WDFY2: variants seen among roughly 807,000 people sequenced by gnomAD.
The protein encoded by WDFY2 is WD repeat and FYVE domain containing 2, also known as WD repeat and FYVE domain-containing protein 2.
In WDFY2, 36 loss-of-function variants were observed where a neutral mutation model predicts 56.4. The ratio of observed to expected loss-of-function variants is 0.64; its 90% CI spans 0.49 to 0.84. WDFY2 has a LOEUF of 0.84. WDFY2 is among the 40% of genes least tolerant of loss of function. The probability of loss-of-function intolerance (pLI) is 0.00; values close to 1 mark genes in which losing one functional copy is unlikely to be tolerated. For missense variants in WDFY2, 444 were observed against 512.2 expected, an observed-to-expected ratio of 0.87 and a Z score of 1.29; for synonymous variants, 176 against 183.7, an observed-to-expected ratio of 0.96 and a Z score of 0.34.
At chr13:51,660,814 T>G (rs1955598456) in intron 2 of WDFY2, 151 bp downstream of exon 2, 1 of 642,032 alleles carries the variant, frequency 1.6e-6, no homozygotes, top group Non-Finnish European at 2.6e-6. Flanking sequence ...TTCTAAGGCT[T>G]TCACTATGTA....
At chr13:51,684,029 A>T (rs1956020300) in intron 3 of WDFY2, among the ~76,000 whole-genome samples, 1 of 152,174 alleles carries the variant, frequency 6.6e-6, no homozygotes, top group African/African-American at 2.4e-5. Context: ...CTCATTACAG[A>T]TGGAGGAATA....
At chr13:51,665,537 G>T (rs1451233984) in intron 2 of WDFY2, among the ~76,000 whole-genome samples, 2 of 152,176 alleles carry the variant, frequency 1.3e-5, no homozygotes, top group Non-Finnish European at 2.9e-5. Flanking sequence ...TACAAACTAG[G>T]TTTGCCATTC....
At chr13:51,626,479 T>C (rs972484026) in intron 1 of WDFY2, among the ~76,000 whole-genome samples, 3 of 152,214 alleles carry the variant, frequency 2.0e-5, no homozygotes, top group Admixed American at 6.5e-5. Flanking sequence ...CAAGGCTCAG[T>C]AATAGCTCCT....
chr13:51,669,377 G>A (rs968103481), intron 2 of WDFY2, among the ~76,000 whole-genome samples: 2 of 151,972 alleles, frequency 1.3e-5, no homozygotes, highest in Non-Finnish European at 1.5e-5. Flanking sequence ...GGAAATAAAG[G>A]GTCTAATTTT....
At chr13:51,699,820 A>G (rs1049698140) in intron 3 of WDFY2, among the ~76,000 whole-genome samples, 1 of 152,254 alleles carries the variant, frequency 6.6e-6, no homozygotes. Context: ...TTGAGCCAGC[A>G]TATCTTCTAC....
In WDFY2 at chr13:51,692,384, C is replaced by T. The variant is rs1177689512; in HGVS notation, c.280-11212C>T. 1.6e-4 allele frequency among the ~76,000 whole-genome samples: 25 copies of T among 152,190 alleles called. No individual in the cohort carries two copies. The South Asian group carries it at 5.2e-3, about 32-fold the overall frequency. On this transcript the variant is annotated intron_variant, in intron 3 of 11. Transcript: ENST00000298125. The stretch of plus-strand genomic sequence containing the variant: ...ATACGTCCCATCAATACCTAATTTA[C>T]TGAGAGTTTTTAGCATGAAGGGCTG...
At chr13:51,690,851 G>C (rs1173426678) in intron 3 of WDFY2, among the ~76,000 whole-genome samples, 1 of 152,162 alleles carries the variant, frequency 6.6e-6, no homozygotes, top group Non-Finnish European at 1.5e-5. Flanking sequence ...ACCCTCTCCA[G>C]CACCTGTTGT....
At chr13:51,691,380 G>A (rs925494822) in intron 3 of WDFY2, among the ~76,000 whole-genome samples, 1 of 150,464 alleles carries the variant, frequency 6.6e-6, no homozygotes, top group Admixed American at 6.6e-5. Context: ...TGTATAAGGT[G>A]TAAGGAAGGG....
chr13:51,666,059 AG>A (rs1029560968), intron 2 of WDFY2, among the ~76,000 whole-genome samples: 49 of 152,310 alleles, frequency 3.2e-4, no homozygotes, highest in African/African-American at 1.2e-3. Context: ...CCATCTGTTC[AG>A]TTAACGTTTA....
At chr13:51,694,322 T>C (rs1393940397) in intron 3 of WDFY2, among the ~76,000 whole-genome samples, 3 of 152,200 alleles carry the variant, frequency 2.0e-5, no homozygotes, top group Non-Finnish European at 4.4e-5. Context: ...TGGCTGGTAC[T>C]GGTTGTTCCT....
intron 1 of WDFY2, among the ~76,000 whole-genome samples, chr13:51,658,928 A>G (rs1288067871): frequency 6.6e-6 from 1 of 151,714 alleles, no homozygotes. Flanking sequence ...TTATTTTTAA[A>G]TTAATTTACT....
intron 1 of WDFY2, among the ~76,000 whole-genome samples, chr13:51,631,090 T>C (rs1954943446): frequency 6.7e-6 from 1 of 149,420 alleles, no homozygotes; most frequent in Non-Finnish European, 1.5e-5. Context: ...AGCTTTTCTG[T>C]TTTTTAAGGA....
chr13:51,751,438 G>C, intron 8 of WDFY2, 23 bp downstream of exon 8: 1 of 1,604,110 alleles, frequency 6.2e-7, no homozygotes, highest in Non-Finnish European at 8.5e-7. Context: ...GCAGGGTGGG[G>C]TGGGCCCTGT....
At chr13:51,723,265 C>T (rs1030359588) in intron 5 of WDFY2, among the ~76,000 whole-genome samples, 1 of 152,142 alleles carries the variant, frequency 6.6e-6, no homozygotes, top group Non-Finnish European at 1.5e-5. Context: ...TCAGTAATCA[C>T]AATGCTATTG....
intron 5 of WDFY2, among the ~76,000 whole-genome samples, chr13:51,726,808 A>G (rs1952615034): frequency 6.6e-6 from 1 of 151,942 alleles, no homozygotes. Context: ...GTTCCATTCA[A>G]ATTTTGCCCA....
intron 1 of WDFY2, among the ~76,000 whole-genome samples, chr13:51,607,332 G>T (rs1954401730): frequency 6.6e-6 from 1 of 152,200 alleles, no homozygotes; most frequent in African/African-American, 2.4e-5. Context: ...AAAGGCAGCA[G>T]CAAGAGGCCA....
intron 3 of WDFY2, among the ~76,000 whole-genome samples, chr13:51,678,458 A>G (rs1955924347): frequency 6.6e-6 from 1 of 152,238 alleles, no homozygotes; most frequent in Non-Finnish European, 1.5e-5. Flanking sequence ...TTCTATTACC[A>G]TTCAAAATGT....
intron 11 of WDFY2, among the ~76,000 whole-genome samples, chr13:51,759,016 A>T (rs1213257878): frequency 6.6e-6 from 1 of 152,096 alleles, no homozygotes; most frequent in South Asian, 2.1e-4. Context: ...ACCCTGTCTT[A>T]ACAAAAAAAT....
intron 7 of WDFY2, among the ~76,000 whole-genome samples, chr13:51,745,254 A>G (rs1953067396): frequency 6.6e-6 from 1 of 152,190 alleles, no homozygotes; most frequent in Non-Finnish European, 1.5e-5. Flanking sequence ...ACCAGGAGAG[A>G]TAGGGAAAAC....
Sources: gnomAD v4.1 joint callset for allele counts (sites outside exome capture counted in the v4.1 genomes callset) on GRCh38, gnomAD v4.1.1 for gene constraint, MANE v1.5 for transcripts, NCBI Gene and HGNC (gene_info 2026-07-23, HGNC 2026-07-21) for gene names.